Variants in SLIT1 observed in about 807,000 individuals in gnomAD.
SLIT1 encodes slit homolog 1 protein.
SLIT1 carries 66 observed loss-of-function variants against 186.1 expected under a neutral mutation model. That is an observed-to-expected ratio of 0.35 (90% CI 0.29 to 0.44). The LOEUF is 0.44. SLIT1 is among the 20% of genes least tolerant of loss of function. SLIT1 has a pLI of 1.00. For synonymous variants in SLIT1, 761 were observed against 833.8 expected, an observed-to-expected ratio of 0.91 and a Z score of 1.50; for missense variants, 1,638 against 2,037.4, an observed-to-expected ratio of 0.80 and a Z score of 3.77.
At chr10:97,059,251 G>A (rs1002038447) in intron 11 of SLIT1, among the ~76,000 whole-genome samples, 12 of 152,240 alleles carry the variant, frequency 7.9e-5, no homozygotes, top group South Asian at 2.1e-4. Flanking sequence ...CGCTCCCAGC[G>A]TCGGAGGGTC....
chr10:97,029,582 TCACA>T (rs1368434541), intron 25 of SLIT1, among the ~76,000 whole-genome samples: 1 of 152,240 alleles, frequency 6.6e-6, no homozygotes, highest in African/African-American at 2.4e-5. Flanking sequence ...GATGGCCCTG[TCACA>T]GTCCAGTGCT....
At chr10:97,048,493 G>A (rs1344539342) in intron 14 of SLIT1, among the ~76,000 whole-genome samples, 2 of 152,156 alleles carry the variant, frequency 1.3e-5, no homozygotes, top group Non-Finnish European at 2.9e-5. Flanking sequence ...AAAGAGAACT[G>A]GCTAAAAGTG....
intron 23 of SLIT1, among the ~76,000 whole-genome samples, chr10:97,033,860 ATTTTTT>A (rs36010222): frequency 2.4e-5 from 3 of 125,292 alleles, no homozygotes; most frequent in South Asian, 2.6e-4. Context: ...GCACTGTTCT[ATTTTTT>A]TTTTTTTTTT....
chr10:97,057,818 T>A (rs1848855166), intron 11 of SLIT1: 1 of 557,892 alleles, frequency 1.8e-6, no homozygotes, highest in Non-Finnish European at 3.3e-6. Context: ...ATAGGTTTTT[T>A]AAAAAAACAA....
chr10:97,070,492 T>C (rs1848992424), intron 4 of SLIT1, among the ~76,000 whole-genome samples: 1 of 152,206 alleles, frequency 6.6e-6, no homozygotes, highest in Non-Finnish European at 1.5e-5. Flanking sequence ...GACACATTGC[T>C]ATGGTCTGAA....
intron 4 of SLIT1, among the ~76,000 whole-genome samples, chr10:97,147,455 T>C (rs1263019803): frequency 2.0e-5 from 3 of 151,896 alleles, no homozygotes; most frequent in Non-Finnish European, 4.4e-5. Context: ...TTTAAAAAAG[T>C]GTTACAAAGG....
At chr10:97,173,494 CTTT>C (rs71007318) in intron 1 of SLIT1, among the ~76,000 whole-genome samples, 1,861 of 128,178 alleles carry the variant, frequency 0.015, 18 homozygotes, top group Non-Finnish European at 0.021. Context: ...CAGCTCCATC[CTTT>C]TTTTTTTTTT....
chr10:97,049,088 G>T lies in SLIT1; in HGVS notation c.1332C>A (p.Asp444Glu). 6.2e-7 allele frequency: 1 copy of T among 1,613,814 alleles called. No homozygotes were observed. Among genetic ancestry groups the T allele is most frequent in the Non-Finnish European group, 8.5e-7 (1 of 1,180,034 alleles). Residue 444 changes from aspartate (D) to glutamate (E), a missense_variant, in exon 14 of 37, where the codon GAC (aspartate) becomes GAA (glutamate). By Grantham distance (45) the Asp-to-Glu change is conservative. Coordinates refer to ENST00000266058, the MANE Select transcript of SLIT1 (RefSeq NM_003061.3). ...AGTCTGCCAGCCACTTGAGGTTACA[G>T]TCGCAAATGAAAGGGTTCTGCGCCA... ...LHLAQNPFIC[D>E]CNLKWLADFL...
At chr10:97,104,725 T>G (rs1386402273) in intron 4 of SLIT1, among the ~76,000 whole-genome samples, 1 of 152,100 alleles carries the variant, frequency 6.6e-6, no homozygotes, top group East Asian at 1.9e-4. Flanking sequence ...TGCTTTCACC[T>G]GTGCAAGTTC....
intron 13 of SLIT1, among the ~76,000 whole-genome samples, chr10:97,055,759 A>G (rs1848830945): frequency 2.6e-5 from 4 of 152,222 alleles, no homozygotes; most frequent in African/African-American, 9.6e-5. Flanking sequence ...TTTTTTATTC[A>G]CAGTCACCAT....
chr10:97,028,673 G>A (rs1848566968), intron 25 of SLIT1, among the ~76,000 whole-genome samples: 1 of 152,176 alleles, frequency 6.6e-6, no homozygotes, highest in African/African-American at 2.4e-5. Context: ...GTTAGTCACT[G>A]CTTCCTTTGA....
At position 97,004,728 on chromosome 10, in the gene SLIT1, G is replaced by A. The variant is rs1193749398; in HGVS notation, c.3675C>T (p.Tyr1225=). 4.3e-6 allele frequency: 7 copies of A among 1,613,998 alleles called. No homozygotes were observed. The highest frequency in any genetic ancestry group is 2.2e-5 in the East Asian group (1 of 44,894). ...CAGAGCTGGGGTAGCTGCCTGGGTC[G>A]TAGCTGACACGCACATGGCCCTGGT... The part of the protein sequence containing the change: ...ELYQGHVRVS[Y]DPGSYPSSAI... The change falls in exon 33 of 37, where the codon TAC becomes TAT. Residue 1225 remains tyrosine (Y), a synonymous_variant. Coordinates refer to ENST00000266058, the MANE Select transcript of SLIT1 (RefSeq NM_003061.3). The surrounding 1 kb of genome is among the most constrained non-coding windows in gnomAD (Gnocchi z 5.1).
chr10:97,001,100 C>T lies in SLIT1; in HGVS notation c.*12G>A, dbSNP rs1286835901. On this transcript the variant is annotated 3_prime_UTR_variant, in exon 37 of 37. Coordinates refer to ENST00000266058, the MANE Select transcript of SLIT1 (RefSeq NM_003061.3). ...CCCTTGCCCGCCCTCACCGGCCTGT[C>T]CACGCCCAGCGCTATGCGCAGAGGG... 6.2e-7 allele frequency: 1 copy of T among 1,609,802 alleles called. No homozygotes were observed. Among genetic ancestry groups the T allele is most frequent in the African/African-American group, 1.3e-5 (1 of 74,874 alleles).
intron 4 of SLIT1, among the ~76,000 whole-genome samples, chr10:97,078,838 A>G (rs941550560): frequency 1.4e-4 from 22 of 152,230 alleles, no homozygotes; most frequent in African/African-American, 4.8e-4. Flanking sequence ...GAGACCTTGG[A>G]GGCCCCTGGT....
At chr10:97,033,114 T>C (rs1053018905) in intron 23 of SLIT1, among the ~76,000 whole-genome samples, 2 of 151,402 alleles carry the variant, frequency 1.3e-5, no homozygotes, top group African/African-American at 4.9e-5. Flanking sequence ...AGGGGTGTGA[T>C]CTTGGCTTGC....
At chr10:97,123,575 T>C (rs908225153) in intron 4 of SLIT1, among the ~76,000 whole-genome samples, 1 of 151,738 alleles carries the variant, frequency 6.6e-6, no homozygotes, top group Non-Finnish European at 1.5e-5. Context: ...TCACTTGAGG[T>C]CAAGATCACT....
chr10:97,073,312 G>A (rs547233737), intron 4 of SLIT1, among the ~76,000 whole-genome samples: 1 of 152,244 alleles, frequency 6.6e-6, no homozygotes, highest in South Asian at 2.1e-4. Context: ...ATTGCTGCCC[G>A]TCCTCCTCCC....
At position 97,162,538 on chromosome 10, in the gene SLIT1, G is replaced by A. The variant is rs558370434; in HGVS notation, c.341+842C>T. On this transcript the variant is annotated intron_variant, in intron 3 of 36. Coordinates refer to ENST00000266058, the MANE Select transcript of SLIT1 (RefSeq NM_003061.3). ...TGAGGCGGGGGAATCGCTTGAACCC[G>A]GGAGGTGGAGGTTGCAGTGAGCCGA... Among the ~76,000 whole-genome samples the A allele has an allele frequency of 3.9e-5, 6 of 152,238 alleles. No homozygotes were observed. In the South Asian group the frequency reaches 1.0e-3, roughly 26 times the overall value.
chr10:97,066,045 G>T lies in SLIT1; in HGVS notation c.455C>A (p.Ala152Asp). ...TTTAAGGTCCGTAGCTCCCCGAAAAGCTTTCCTGGGGATGGCCTGGATGGC... is the reference window on the plus strand; with the variant it reads ...TTTAAGGTCCGTAGCTCCCCGAAAATCTTTCCTGGGGATGGCCTGGATGGC... Reference protein sequence around the residue: ...ENAIQAIPRKAFRGATDLKNL... With the variant: ...ENAIQAIPRKDFRGATDLKNL... Residue 152 changes from alanine to aspartate, a missense_variant, in exon 5 of 37, where the codon GCT (alanine) becomes GAT (aspartate). Physicochemically the swap from Ala to Asp is moderately radical, Grantham distance 126. Around this residue, in one of 3 missense-constraint regions of SLIT1, gnomAD observed 1,245 missense variants for 1,535.3 expected, o/e 0.81. Transcript: ENST00000266058. 6.2e-7 allele frequency: 1 copy of T among 1,606,470 alleles called. No homozygotes were observed. The highest frequency in any genetic ancestry group is 8.5e-7 in the Non-Finnish European group (1 of 1,175,788).
Sources: allele counts gnomAD v4.1 joint callset (sites outside exome capture counted in the v4.1 genomes callset), GRCh38; gene constraint gnomAD v4.1.1; regional missense constraint gnomAD v4.1.1; non-coding constraint Gnocchi (gnomAD v3.1); transcripts MANE v1.5; gene names NCBI Gene and HGNC (gene_info 2026-07-23, HGNC 2026-07-21).